TNKS: variants seen among roughly 807,000 people sequenced by gnomAD.
The protein encoded by TNKS is poly [ADP-ribose] polymerase tankyrase-1.
A neutral mutation model predicts 135.8 loss-of-function variants in TNKS; 72 were observed. The observed-to-expected ratio is 0.53, with a 90% CI of 0.44 to 0.64. The LOEUF is 0.64. Among genes scored for constraint, TNKS ranks in the 30% least tolerant of loss-of-function variants. The probability of loss-of-function intolerance (pLI) is 0.00; values close to 1 mark genes in which losing one functional copy is unlikely to be tolerated. For synonymous variants in TNKS, 849 were observed against 649.3 expected (o/e 1.31, Z -4.68); for missense variants, 1,769 against 1,674.0 (o/e 1.06, Z -0.99).
At chr8:9,708,946 A>AT (rs1431845872) in intron 9 of TNKS, among the ~76,000 whole-genome samples, 2 of 152,054 alleles carry the variant, frequency 1.3e-5, no homozygotes, top group Non-Finnish European at 2.9e-5. Flanking sequence ...AAGATCATGA[A>AT]TTTTTTGTTT....
chr8:9,753,795 G>T (rs142716581), intron 20 of TNKS, among the ~76,000 whole-genome samples: 2 of 152,186 alleles, frequency 1.3e-5, no homozygotes, highest in African/African-American at 4.8e-5. Flanking sequence ...GTAACTTAAA[G>T]TGTGCCAAAA....
chr8:9,594,445 C>A (rs1485932956), intron 2 of TNKS, among the ~76,000 whole-genome samples: 1 of 152,134 alleles, frequency 6.6e-6, no homozygotes, highest in Non-Finnish European at 1.5e-5. Flanking sequence ...TGCTTAATGA[C>A]CGTATCTGGC....
At chr8:9,725,743 T>C (rs550131972) in intron 12 of TNKS, among the ~76,000 whole-genome samples, 8 of 152,240 alleles carry the variant, frequency 5.3e-5, no homozygotes. Flanking sequence ...GTGCTCATTC[T>C]AAAAGCCACA....
At chr8:9,678,921 C>G (rs1438557646) in intron 3 of TNKS, among the ~76,000 whole-genome samples, 6 of 152,124 alleles carry the variant, frequency 3.9e-5, no homozygotes, top group Non-Finnish European at 8.8e-5. Context: ...ATGTAGCAAA[C>G]TAAGTCAGTG....
At chr8:9,765,557 G>C (rs1237860464) in intron 23 of TNKS, 135 bp from the exon 24 acceptor site, 1 of 679,286 alleles carries the variant, frequency 1.5e-6, no homozygotes, top group African/African-American at 1.8e-5. Context: ...ACACTGACAT[G>C]GTAGCTTTAT....
At chr8:9,728,176 T>G (rs1188399526) in intron 13 of TNKS, among the ~76,000 whole-genome samples, 1 of 152,152 alleles carries the variant, frequency 6.6e-6, no homozygotes, top group Non-Finnish European at 1.5e-5. Flanking sequence ...AAGGCCTAAT[T>G]TATTTTGATC....
intron 18 of TNKS, among the ~76,000 whole-genome samples, chr8:9,748,628 A>G (rs1399407514): frequency 6.6e-6 from 1 of 152,258 alleles, no homozygotes; most frequent in African/African-American, 2.4e-5. Flanking sequence ...TGCAAAGTTA[A>G]GCACTGCATC....
At chr8:9,766,186 T>A in intron 24 of TNKS, 53 bp from the exon 25 acceptor site, 9 of 1,488,814 alleles carry the variant, frequency 6.0e-6, no homozygotes, top group Non-Finnish European at 8.3e-6. Context: ...TGCAGGTAAT[T>A]GAGCTTCTAG....
At chr8:9,774,287 G>C (rs1416720209) in intron 26 of TNKS, among the ~76,000 whole-genome samples, 1 of 152,132 alleles carries the variant, frequency 6.6e-6, no homozygotes, top group African/African-American at 2.4e-5. Flanking sequence ...GAAAAGAAAA[G>C]ACTATAGAAT....
At chr8:9,597,098 A>G (rs551491087) in intron 2 of TNKS, among the ~76,000 whole-genome samples, 1 of 152,266 alleles carries the variant, frequency 6.6e-6, no homozygotes, top group Non-Finnish European at 1.5e-5. Context: ...GGAATTTAAG[A>G]TAGCAAATAA....
In TNKS at chr8:9,713,889, T is replaced by C. The variant is rs113085501; in HGVS notation, c.1749+3669T>C. ...CTTTCTGAGGAACTCATGGTTTCTG[T>C]ATGATTTTCAGGCAACTCATGGTTT... On this transcript the variant is annotated intron_variant, in intron 11 of 26. Coordinates refer to ENST00000310430, the MANE Select transcript of TNKS (RefSeq NM_003747.3). Among the ~76,000 whole-genome samples, 1,074 of 152,296 alleles carry C rather than the reference T, an allele frequency of 7.1e-3. 9 individuals carry two copies. Among genetic ancestry groups the C allele is most frequent in the Middle Eastern group, 0.02 (6 of 294 alleles).
chr8:9,776,812 A>G lies in TNKS; in HGVS notation c.*76A>G, dbSNP rs910715427. On this transcript the variant is annotated 3_prime_UTR_variant, in exon 27 of 27. Coordinates refer to ENST00000310430, the MANE Select transcript of TNKS (RefSeq NM_003747.3). ...ACAGAGGATTGTTTCTAATAACAAC[A>G]TCAATATTCTAGAAGTCCCTGACAG... The G allele has an allele frequency of 2.8e-6, 4 of 1,405,136 alleles. No individual in the cohort carries two copies. Among genetic ancestry groups the G allele is most frequent in the South Asian group, 2.3e-5 (2 of 85,430 alleles). The allele number at this position is 1,405,136 out of a possible 1,614,324, so 87.0% of individuals were successfully genotyped here. A position where few individuals can be genotyped will look rare whatever the true frequency, so the allele number is the denominator to read the frequency against.
At chr8:9,690,597 T>C (rs1011457198) in intron 5 of TNKS, among the ~76,000 whole-genome samples, 7 of 152,088 alleles carry the variant, frequency 4.6e-5, no homozygotes, top group Non-Finnish European at 7.4e-5. Context: ...CTGCTTCTAC[T>C]AAAAATGTAA....
chr8:9,781,837 C>G lies in TNKS; in HGVS notation c.*5101C>G, dbSNP rs1808470817. The stretch of plus-strand genomic sequence containing the variant: ...GTTTTTATTTTTAGTCTCTGTGTGA[C>G]CCAACAGTGGCAGGGGTTACAACCC... On this transcript the variant is annotated 3_prime_UTR_variant, in exon 27 of 27. Coordinates refer to ENST00000310430, the MANE Select transcript of TNKS (RefSeq NM_003747.3). The G allele has an allele frequency of 6.6e-6, 1 of 152,536 alleles. No homozygotes were observed. The highest frequency in any genetic ancestry group is 2.4e-5 in the African/African-American group (1 of 41,416). The allele number at this position is 152,536 out of a possible 1,614,324, so 9.4% of individuals were successfully genotyped here. A position where few individuals can be genotyped will look rare whatever the true frequency, so the allele number is the denominator to read the frequency against.
chr8:9,629,297 T>C (rs1800191171), intron 3 of TNKS, among the ~76,000 whole-genome samples: 1 of 152,330 alleles, frequency 6.6e-6, no homozygotes, highest in South Asian at 2.1e-4. Flanking sequence ...AGGAGTGACA[T>C]TGCAGCCCAG....
chr8:9,687,425 G>A (rs1803054050), intron 5 of TNKS, among the ~76,000 whole-genome samples: 1 of 152,096 alleles, frequency 6.6e-6, no homozygotes, highest in African/African-American at 2.4e-5. Flanking sequence ...GGGATATATT[G>A]TATAAAATCT....
At position 9,704,532 on chromosome 8, in the gene TNKS, A is replaced by G. The variant is rs576041251; in HGVS notation, c.1108-131A>G. The G allele has an allele frequency of 1.5e-4, 104 of 678,486 alleles. 1 individual carries two copies. In the South Asian group the frequency reaches 1.9e-3, roughly 12 times the overall value. The allele number at this position is 678,486 out of a possible 1,614,324, so 42.0% of individuals were successfully genotyped here. A position where few individuals can be genotyped will look rare whatever the true frequency, so the allele number is the denominator to read the frequency against. On this transcript the variant is annotated intron_variant, in intron 5 of 26. Transcript: ENST00000310430. ...AAATTATCTCTCCTTAAGTTATGAAATGTGAATTTTTGACATTTCAGCGCA... is the reference window on the plus strand; with the variant it reads ...AAATTATCTCTCCTTAAGTTATGAAGTGTGAATTTTTGACATTTCAGCGCA...
Position 9,709,960 on chromosome 8 carries a change from T to C in TNKS, c.1584T>C (p.Cys528=), listed in dbSNP as rs1804240672. 2 of 1,613,572 alleles carry C rather than the reference T, an allele frequency of 1.2e-6. No individual in the cohort carries two copies. Among genetic ancestry groups the C allele is most frequent in the Non-Finnish European group, 1.7e-6 (2 of 1,179,848 alleles). ...QPQSHETALH[C]AVASLHPKRK... is the part of the protein sequence containing the mutation. ...TGGTTTTGTTTACTTTATAGCACTG[T>C]GCTGTGGCCTCTCTGCATCCCAAAC... Residue 528 remains cysteine, a synonymous_variant, in exon 10 of 27, where the codon TGT becomes TGC. Transcript: ENST00000310430.
chr8:9,735,644 C>G (rs370482666), intron 17 of TNKS, among the ~76,000 whole-genome samples, 158 bp downstream of exon 17: 11 of 151,886 alleles, frequency 7.2e-5, no homozygotes, highest in Non-Finnish European at 1.6e-4. Context: ...ACTAAAAATA[C>G]AAAAAATTAG....
Sources: allele counts gnomAD v4.1 joint callset (sites outside exome capture counted in the v4.1 genomes callset), GRCh38; gene constraint gnomAD v4.1.1; transcripts MANE v1.5; gene names NCBI Gene and HGNC (gene_info 2026-07-23, HGNC 2026-07-21).